Variants in MR1 observed in about 807,000 individuals in gnomAD.
MR1 encodes major histocompatibility complex, class I-related.
In MR1, 44 loss-of-function variants were observed where a neutral mutation model predicts 37.8. The observed-to-expected ratio is 1.16, with a 90% CI of 0.91 to 1.50. MR1 has a LOEUF of 1.50. Among genes scored for constraint, MR1 ranks in the 40% most tolerant of loss-of-function variants. The pLI is 0.00. For synonymous variants in MR1, 153 were observed against 155.8 expected (o/e 0.98, Z 0.13); for missense variants, 386 against 419.1 (o/e 0.92, Z 0.69).
chr1:181,052,584 C>A, intron 4 of MR1, 74 bp downstream of exon 4: 1 of 1,500,398 alleles, frequency 6.7e-7, no homozygotes, highest in Non-Finnish European at 9.1e-7. Flanking sequence ...TGCTCGCTGC[C>A]AGGGAGGGGA....
intron 4 of MR1, among the ~76,000 whole-genome samples, chr1:181,052,758 C>T (rs1024555783): frequency 6.6e-6 from 1 of 152,188 alleles, no homozygotes; most frequent in Non-Finnish European, 1.5e-5. Context: ...TACTACATTA[C>T]AAATTAAAAA....
chr1:181,034,064 C>T lies in MR1; in HGVS notation c.57C>T (p.His19=). The T allele has an allele frequency of 6.2e-7, 1 of 1,613,344 alleles. No homozygotes were observed. Among genetic ancestry groups the T allele is most frequent in the Non-Finnish European group, 8.5e-7 (1 of 1,179,752 alleles). ...LPLIIVLMVK[H]SDSRTHSLRY... is the part of the protein sequence containing the mutation. ...TCATCATTGTGTTAATGGTGAAGCA[C>T]AGCGATTCCCGTGAGTATCCCACGT... The change falls in exon 1 of 6, where the codon CAC becomes CAT. Residue 19 remains histidine (H), a synonymous_variant. Transcript: ENST00000367580.
intron 1 of MR1, among the ~76,000 whole-genome samples, chr1:181,040,544 AT>A (rs1657502435): frequency 6.6e-6 from 1 of 152,216 alleles, no homozygotes; most frequent in Non-Finnish European, 1.5e-5. Flanking sequence ...AGGAGCAAGC[AT>A]GACTTGTTCC....
chr1:181,040,856 G>A (rs1657517573), intron 1 of MR1, among the ~76,000 whole-genome samples: 1 of 152,070 alleles, frequency 6.6e-6, no homozygotes, highest in South Asian at 2.1e-4. Flanking sequence ...GGCCAAGGCA[G>A]GGGGAATCAT....
In MR1 at chr1:181,052,378, G is replaced by A. The variant is rs748528955; in HGVS notation, c.748G>A (p.Gly250Arg). Residue 250 changes from glycine (G) to arginine (R), a missense_variant, in exon 4 of 6, where the codon GGA becomes AGA. Coordinates refer to ENST00000367580, the MANE Select transcript of MR1 (RefSeq NM_001385161.1). ...AGAAATTGTCCAAGAAATTGATTAT[G>A]GAGACATTCTTCCCAGTGGGGATGG... Reference protein sequence around the residue: ...GEEIVQEIDYGDILPSGDGTY... With the variant: ...GEEIVQEIDYRDILPSGDGTY... 6.2e-7 allele frequency: 1 copy of A among 1,614,144 alleles called. No individual in the cohort carries two copies. Among genetic ancestry groups the A allele is most frequent in the African/African-American group, 1.3e-5 (1 of 75,030 alleles).
intron 3 of MR1, chr1:181,050,560 C>T (rs1193376575): frequency 1.4e-5 from 6 of 426,004 alleles, no homozygotes; most frequent in South Asian, 5.1e-5. Context: ...TCTTCCATTC[C>T]GTCAATGATA....
intron 1 of MR1, 122 bp downstream of exon 1, chr1:181,034,196 T>C (rs1657155517): frequency 2.5e-6 from 2 of 796,142 alleles, no homozygotes; most frequent in Non-Finnish European, 3.8e-6. Flanking sequence ...CGTGTATGTA[T>C]TACACTCAGA....
At chr1:181,033,789 A>G (rs1310634604), upstream of MR1, 1 of 472,502 alleles carries the variant, frequency 2.1e-6, no homozygotes, top group Non-Finnish European at 3.8e-6. Flanking sequence ...GAAGATAGAT[A>G]CACCAAAAGG....
Position 181,056,886 on chromosome 1 carries a change from G to A in MR1, c.*1621G>A, listed in dbSNP as rs1265729740. The A allele has an allele frequency of 6.6e-6, 1 of 152,374 alleles. No individual in the cohort carries two copies. Among genetic ancestry groups the A allele is most frequent in the East Asian group, 1.9e-4 (1 of 5,204 alleles). The allele number at this position is 152,374 out of a possible 1,614,324, so 9.4% of individuals were successfully genotyped here. A position where few individuals can be genotyped will look rare whatever the true frequency, so the allele number is the denominator to read the frequency against. The stretch of plus-strand genomic sequence containing the variant: ...TGTAATCCTAGCACTTTGGGAGGCT[G>A]AGGCAGGCGGATTCCCTGAGCTCAG... On this transcript the variant is annotated 3_prime_UTR_variant, in exon 6 of 6. Transcript: ENST00000367580.
intron 1 of MR1, among the ~76,000 whole-genome samples, chr1:181,036,821 T>C (rs1657297258): frequency 6.6e-6 from 1 of 152,246 alleles, no homozygotes; most frequent in South Asian, 2.1e-4. Context: ...GTTTGCTGAG[T>C]GAATTTATGT....
At chr1:181,054,668 A>G (rs1658507079) in intron 5 of MR1, among the ~76,000 whole-genome samples, 1 of 151,354 alleles carries the variant, frequency 6.6e-6, no homozygotes, top group African/African-American at 2.4e-5. Context: ...CCTGGCCAAC[A>G]TGGTGAAACC....
chr1:181,039,805 G>A (rs551298537), intron 1 of MR1, among the ~76,000 whole-genome samples: 4 of 149,328 alleles, frequency 2.7e-5, no homozygotes, highest in African/African-American at 9.9e-5. Flanking sequence ...GGCAGAGGTT[G>A]CAGTGAGCCA....
At position 181,034,025 on chromosome 1, in the gene MR1, G is replaced by A. The variant is rs3789360; in HGVS notation, c.18G>A (p.Ala6=). Residue 6 remains alanine, a synonymous_variant, in exon 1 of 6, where the codon GCG becomes GCA. Coordinates refer to ENST00000367580, the MANE Select transcript of MR1 (RefSeq NM_001385161.1). Reference sequence around the variant, plus strand: ...GAAGGACTATGGGGGAACTGATGGCGTTCCTGTTACCTCTCATCATTGTGT... The same window carrying A: ...GAAGGACTATGGGGGAACTGATGGCATTCCTGTTACCTCTCATCATTGTGT... The part of the protein sequence containing the change: MGELM[A]FLLPLIIVLM... The A allele has an allele frequency of 1.6e-4, 250 of 1,612,724 alleles. 1 individual carries two copies. The East Asian group carries it at 2.4e-3, about 15-fold the overall frequency.
At chr1:181,035,350 C>T (rs371031467) in intron 1 of MR1, among the ~76,000 whole-genome samples, 2 of 151,920 alleles carry the variant, frequency 1.3e-5, no homozygotes, top group African/African-American at 4.8e-5. Context: ...AAAAAAAAAT[C>T]CATATATTAA....
intron 1 of MR1, among the ~76,000 whole-genome samples, chr1:181,041,516 G>T (rs1270929937): frequency 6.6e-6 from 1 of 152,026 alleles, no homozygotes; most frequent in Non-Finnish European, 1.5e-5. Context: ...TCTGCTCTCC[G>T]TGGGGATTTT....
Position 181,050,118 on chromosome 1 carries a change from A to T in MR1, c.436A>T (p.Lys146Ter), listed in dbSNP as rs1303772933. Residue 146 changes from lysine to a stop codon, truncating the protein, a stop_gained, in exon 3 of 6, where the codon AAA becomes TAA. Transcript: ENST00000367580. LOFTEE classifies it high-confidence loss of function. ...CGGGCAGGATTTCCTGATCTTCAAT[A>T]AAGACACCCTCTCCTGGCTGGCTGT... ...YDGQDFLIFN[K>*]DTLSWLAVDN... 1.2e-6 allele frequency: 2 copies of T among 1,614,108 alleles called. No individual in the cohort carries two copies. Among genetic ancestry groups the T allele is most frequent in the African/African-American group, 2.7e-5 (2 of 74,946 alleles).
At chr1:181,049,792 A>T in intron 2 of MR1, 1 of 582,240 alleles carries the variant, frequency 1.7e-6, no homozygotes, top group South Asian at 2.2e-5. Flanking sequence ...GGCGGGAATT[A>T]GCACACTCCT....
Position 181,052,283 on chromosome 1 carries a change from C to T in MR1, c.653C>T (p.Thr218Ile). ...VNRKETFPGV[T>I]ALFCKAHGFY... ...CGCAAAGAAACTTTTCCAGGGGTTA[C>T]AGCTCTCTTCTGCAAAGCTCATGGC... Residue 218 changes from threonine to isoleucine, a missense_variant, in exon 4 of 6, where the codon ACA (threonine) becomes ATA (isoleucine). Physicochemically the swap from Thr to Ile is moderately conservative, Grantham distance 89 (BLOSUM62 -1). Transcript: ENST00000367580. 6.2e-7 allele frequency: 1 copy of T among 1,614,226 alleles called. No individual in the cohort carries two copies. The highest frequency in any genetic ancestry group is 8.5e-7 in the Non-Finnish European group (1 of 1,180,036).
upstream of MR1, chr1:181,033,879 TA>T: frequency 1.5e-6 from 1 of 650,010 alleles, no homozygotes. Context: ...CTTTTTTTTT[TA>T]ACCTAGCAAC....
Sources: allele counts gnomAD v4.1 joint callset (sites outside exome capture counted in the v4.1 genomes callset), GRCh38; gene constraint gnomAD v4.1.1; transcripts MANE v1.5; gene names NCBI Gene and HGNC (gene_info 2026-07-23, HGNC 2026-07-21).